PABPC1L: variants seen among roughly 807,000 people sequenced by gnomAD.
PABPC1L encodes polyadenylate-binding protein 1-like.
A neutral mutation model predicts 66.6 loss-of-function variants in PABPC1L; 31 were observed. That is an observed-to-expected ratio of 0.47 (90% CI 0.35 to 0.63). PABPC1L has a LOEUF of 0.63. Ranked by LOEUF, PABPC1L falls within the 20% of genes least tolerant of loss-of-function variation. The pLI is 0.00. For missense variants in PABPC1L, 722 were observed against 848.8 expected, an observed-to-expected ratio of 0.85 and a Z score of 1.86; for synonymous variants, 348 against 335.1, an observed-to-expected ratio of 1.04 and a Z score of -0.42.
chr20:44,929,483 T>C (rs2066834742), intron 7 of PABPC1L, among the ~76,000 whole-genome samples: 1 of 152,014 alleles, frequency 6.6e-6, no homozygotes, highest in African/African-American at 2.4e-5. Flanking sequence ...ATGTTCACAT[T>C]GGGGGAAACT....
intron 7 of PABPC1L, among the ~76,000 whole-genome samples, chr20:44,926,793 C>T (rs1291093694): frequency 6.6e-6 from 1 of 152,114 alleles, no homozygotes; most frequent in Non-Finnish European, 1.5e-5. Context: ...GTGATCTGCC[C>T]GCCTTGGCCT....
At chr20:44,933,309 T>C in intron 10 of PABPC1L, 124 bp downstream of exon 10, 1 of 770,772 alleles carries the variant, frequency 1.3e-6, no homozygotes, top group South Asian at 1.7e-5. Flanking sequence ...TTGGAGACTG[T>C]AGCGTGGTAG....
rs919467851 is a variant in PABPC1L at position 44,916,872 on chromosome 20, G to A, written c.503+1G>A. Reference sequence around the variant, plus strand: ...GGATGCTGCTGAATGACCGCAAAGTGTGAGTGGCTGGGCCCGAGGGAGGGG... The same window carrying A: ...GGATGCTGCTGAATGACCGCAAAGTATGAGTGGCTGGGCCCGAGGGAGGGG... On this transcript the variant is annotated splice_donor_variant, in intron 3 of 14. Transcript: ENST00000217073. LOFTEE classifies it high-confidence loss of function. The A allele has an allele frequency of 5.6e-6, 9 of 1,613,852 alleles. No individual in the cohort carries two copies. Among genetic ancestry groups the A allele is most frequent in the Non-Finnish European group, 7.6e-6 (9 of 1,179,912 alleles).
intron 3 of PABPC1L, among the ~76,000 whole-genome samples, chr20:44,918,405 G>A (rs747856995): frequency 6.6e-6 from 1 of 152,320 alleles, no homozygotes; most frequent in East Asian, 1.9e-4. Context: ...AGCAACACTA[G>A]CATTGACTGC....
intron 11 of PABPC1L, among the ~76,000 whole-genome samples, chr20:44,936,144 T>G (rs910795815): frequency 5.3e-5 from 8 of 152,088 alleles, no homozygotes; most frequent in Non-Finnish European, 1.2e-4. Flanking sequence ...TGTATTTTTT[T>G]GTAGTGACAG....
intron 6 of PABPC1L, among the ~76,000 whole-genome samples, chr20:44,922,098 C>T (rs73296538): frequency 0.012 from 1,834 of 152,258 alleles, 31 homozygotes; most frequent in African/African-American, 0.039. Context: ...CTACTCCTGG[C>T]TGAGAATAAT....
chr20:44,937,816 C>T, intron 12 of PABPC1L: 1 of 491,206 alleles, frequency 2.0e-6, no homozygotes, highest in Non-Finnish European at 3.6e-6. Context: ...CCTTTCCGCC[C>T]CCACTTAAGG....
In PABPC1L at chr20:44,935,376, T is replaced by G; in HGVS notation, c.1460-15T>G. 1 of 1,605,564 alleles carries G rather than the reference T, an allele frequency of 6.2e-7. No individual in the cohort carries two copies. ...GAACTCTGCTTTTTTTGTTTTGTTT[T>G]GTTTTGTTTTGCAGCCAACATTGGT... is the stretch of plus-strand genomic sequence containing the variant. On this transcript the variant is annotated splice_polypyrimidine_tract_variant and intron_variant, in intron 10 of 14. Transcript: ENST00000217073.
In PABPC1L at chr20:44,932,445, G is replaced by A. The variant is rs753636136; in HGVS notation, c.1330+13G>A. The A allele has an allele frequency of 6.2e-7, 1 of 1,604,486 alleles. No individual in the cohort carries two copies. The highest frequency in any genetic ancestry group is 1.7e-5 in the Admixed American group (1 of 59,444). Reference sequence around the variant, plus strand: ...CCTAGACCTTCCTGTGAGTGACCCAGCCCCTTCCACTCTCAGACTGGCCTA... The same window carrying A: ...CCTAGACCTTCCTGTGAGTGACCCAACCCCTTCCACTCTCAGACTGGCCTA... On this transcript the variant is annotated intron_variant, in intron 9 of 14. Coordinates refer to ENST00000217073, the MANE Select transcript of PABPC1L (RefSeq NM_001372179.1).
intron 3 of PABPC1L, among the ~76,000 whole-genome samples, chr20:44,918,513 ACT>A (rs2066751708): frequency 6.6e-6 from 1 of 152,138 alleles, no homozygotes; most frequent in African/African-American, 2.4e-5. Flanking sequence ...ACAGCAATGA[ACT>A]CTGAGGCTCA....
chr20:44,918,300 AG>A (rs1275542068), intron 3 of PABPC1L, among the ~76,000 whole-genome samples: 11 of 152,366 alleles, frequency 7.2e-5, no homozygotes, highest in African/African-American at 2.6e-4. Context: ...ACTGTACTCC[AG>A]CCTGGGCGAT....
At chr20:44,915,604 C>G (rs1053493768) in intron 2 of PABPC1L, among the ~76,000 whole-genome samples, 2 of 152,024 alleles carry the variant, frequency 1.3e-5, no homozygotes, top group African/African-American at 4.8e-5. Flanking sequence ...CCAGGACCAG[C>G]CTAGCCAACA....
chr20:44,930,486 G>A lies in PABPC1L; in HGVS notation c.999G>A (p.Lys333=). The change falls in exon 8 of 15, where the codon AAG becomes AAA. Residue 333 remains lysine (K), a synonymous_variant. Transcript: ENST00000217073. ...TGATGACAGAGGGTGGCCACAGCAA[G>A]GGGTTTGGCTTTGTGTGTTTTTCCT... ...AKVMTEGGHS[K]GFGFVCFSSP... The A allele has an allele frequency of 6.2e-7, 1 of 1,614,168 alleles. No homozygotes were observed. Among genetic ancestry groups the A allele is most frequent in the Non-Finnish European group, 8.5e-7 (1 of 1,179,990 alleles).
intron 1 of PABPC1L, 30 bp downstream of exon 1, chr20:44,910,366 A>G: frequency 6.9e-7 from 1 of 1,458,528 alleles, no homozygotes; most frequent in Non-Finnish European, 9.1e-7. Flanking sequence ...CGGGAGGGGA[A>G]GGACCGACGG....
At chr20:44,928,217 C>T (rs1032593911) in intron 7 of PABPC1L, among the ~76,000 whole-genome samples, 2 of 151,978 alleles carry the variant, frequency 1.3e-5, no homozygotes, top group Non-Finnish European at 2.9e-5. Flanking sequence ...ATTACAGGCA[C>T]CCGCCACCAT....
chr20:44,910,727 TGA>T (rs1390290741), intron 1 of PABPC1L, among the ~76,000 whole-genome samples: 2 of 152,050 alleles, frequency 1.3e-5, no homozygotes, highest in Non-Finnish European at 2.9e-5. Flanking sequence ...CTTGTGAGGA[TGA>T]GAGATTCAAA....
chr20:44,935,645 C>A, intron 11 of PABPC1L, 148 bp downstream of exon 11: 1 of 547,538 alleles, frequency 1.8e-6, no homozygotes, highest in Non-Finnish European at 3.2e-6. Flanking sequence ...AGAGATCACC[C>A]TTACTGCGAG....
At chr20:44,926,968 T>A (rs916293613) in intron 7 of PABPC1L, among the ~76,000 whole-genome samples, 1 of 152,096 alleles carries the variant, frequency 6.6e-6, no homozygotes, top group Non-Finnish European at 1.5e-5. Context: ...CTCAACCTCC[T>A]GGGCTCAAGT....
In PABPC1L at chr20:44,916,759, G is replaced by A; in HGVS notation, c.391G>A (p.Ala131Thr). The A allele has an allele frequency of 1.9e-6, 3 of 1,614,200 alleles. No homozygotes were observed. Among genetic ancestry groups the A allele is most frequent in the Non-Finnish European group, 8.5e-7 (1 of 1,180,018 alleles). ...TFGNILSCKV[A>T]CDEHGSRGFG... ...GTCCTTCCTCCCTGTGGCCCAGGTG[G>A]CGTGTGACGAGCATGGCTCCCGGGG... is the stretch of plus-strand genomic sequence containing the variant. Residue 131 changes from alanine to threonine, a missense_variant, in exon 3 of 15, where the codon GCG (alanine) becomes ACG (threonine). By Grantham distance (58) the Ala-to-Thr change is moderately conservative. Transcript: ENST00000217073.
Sources: allele counts gnomAD v4.1 joint callset (sites outside exome capture counted in the v4.1 genomes callset), GRCh38; gene constraint gnomAD v4.1.1; transcripts MANE v1.5; gene names NCBI Gene and HGNC (gene_info 2026-07-23, HGNC 2026-07-21).